Variants in SLC40A1 observed in about 807,000 individuals in gnomAD.
SLC40A1 encodes solute carrier family 40 member 1.
SLC40A1 carries 16 observed loss-of-function variants against 53.5 expected under a neutral mutation model. The observed-to-expected ratio is 0.30, with a 90% CI of 0.20 to 0.45. The LOEUF is 0.45. Ranked by LOEUF, SLC40A1 falls within the 20% of genes least tolerant of loss-of-function variation. The probability of loss-of-function intolerance (pLI) is 1.00; values close to 1 mark genes in which losing one functional copy is unlikely to be tolerated. For synonymous variants in SLC40A1, 247 were observed against 253.2 expected, an observed-to-expected ratio of 0.98 and a Z score of 0.23; for missense variants, 545 against 695.4, an observed-to-expected ratio of 0.78 and a Z score of 2.43.
intron 2 of SLC40A1, among the ~76,000 whole-genome samples, chr2:189,575,989 T>A (rs559954047): frequency 9.2e-5 from 14 of 152,316 alleles, no homozygotes; most frequent in African/African-American, 3.4e-4. Flanking sequence ...AGTAGTTACG[T>A]TAACATTTTA....
chr2:189,561,670 T>A lies in SLC40A1; in HGVS notation c.*208A>T. The A allele has an allele frequency of 1.8e-6, 1 of 566,930 alleles. No individual in the cohort carries two copies. The highest frequency in any genetic ancestry group is 2.1e-5 in the South Asian group (1 of 47,648). The allele number at this position is 566,930 out of a possible 1,614,324, so 35.1% of individuals were successfully genotyped here. A position where few individuals can be genotyped will look rare whatever the true frequency, so the allele number is the denominator to read the frequency against. ...TCCGTATTTAAACTGAGTTTTTCTTTTCCAATTTTTTTTCCATGCCTCAAC... is the reference window on the plus strand; with the variant it reads ...TCCGTATTTAAACTGAGTTTTTCTTATCCAATTTTTTTTCCATGCCTCAAC... On this transcript the variant is annotated 3_prime_UTR_variant, in exon 8 of 8. Coordinates refer to ENST00000261024, the MANE Select transcript of SLC40A1 (RefSeq NM_014585.6).
In SLC40A1 at chr2:189,580,765, T is replaced by A; in HGVS notation, c.-305A>T. The A allele has an allele frequency of 8.1e-7, 1 of 1,229,308 alleles. No homozygotes were observed. The highest frequency in any genetic ancestry group is 1.0e-6 in the Non-Finnish European group (1 of 966,176). The allele number at this position is 1,229,308 out of a possible 1,614,324, so 76.2% of individuals were successfully genotyped here. ...AGCCTAGCGGACGCCCTGAGCCAGC[T>A]CTCTCCGCCGCCGCCGCCGCCGCCG... On this transcript the variant is annotated 5_prime_UTR_variant, in exon 1 of 8. Coordinates refer to ENST00000261024, the MANE Select transcript of SLC40A1 (RefSeq NM_014585.6).
In SLC40A1 at chr2:189,579,791, A is replaced by G. The variant is rs200654441; in HGVS notation, c.111+22T>C. ...ATAAAAAATTGCGCAACTGTGTTGT[A>G]AGACTATGCATTCTCACTTACCCAA... On this transcript the variant is annotated intron_variant, in intron 2 of 7. Transcript: ENST00000261024. The G allele has an allele frequency of 4.4e-5, 70 of 1,605,064 alleles. No individual in the cohort carries two copies. The African/African-American group carries it at 8.4e-4, about 19-fold the overall frequency.
chr2:189,578,168 A>G (rs1248369182), intron 2 of SLC40A1: 2 of 974,084 alleles, frequency 2.1e-6, no homozygotes, highest in Non-Finnish European at 2.4e-6. Flanking sequence ...TTGTTGTAAC[A>G]AAATCAGGCA....
Position 189,576,490 on chromosome 2 carries a change from T to C in SLC40A1, c.112-1170A>G, listed in dbSNP as rs960908299. 3.2e-4 allele frequency among the ~76,000 whole-genome samples: 48 copies of C among 152,334 alleles called. 1 individual carries two copies. Among genetic ancestry groups the C allele is most frequent in the African/African-American group, 1.1e-3 (44 of 41,572 alleles). ...TACAAAAAAACTTCCTGTAGACCAGTAGTTCTCAACTAGAGATGACTTTGC... is the reference window on the plus strand; with the variant it reads ...TACAAAAAAACTTCCTGTAGACCAGCAGTTCTCAACTAGAGATGACTTTGC... On this transcript the variant is annotated intron_variant, in intron 2 of 7. Coordinates refer to ENST00000261024, the MANE Select transcript of SLC40A1 (RefSeq NM_014585.6).
In SLC40A1 at chr2:189,575,154, C is replaced by T. The variant is rs1450929361; in HGVS notation, c.271+7G>A. On this transcript the variant is annotated splice_region_variant and intron_variant, in intron 3 of 7. Transcript: ENST00000261024. ...ATAAAAGGGCTTAATTATATAACAA[C>T]ACTCACCTTTAAGTCTAGCATTCTT... 3 of 1,613,794 alleles carry T rather than the reference C, an allele frequency of 1.9e-6. No individual in the cohort carries two copies. Among genetic ancestry groups the T allele is most frequent in the East Asian group, 4.5e-5 (2 of 44,884 alleles).
At chr2:189,566,272 C>G (rs962503884) in intron 5 of SLC40A1, among the ~76,000 whole-genome samples, 3 of 152,086 alleles carry the variant, frequency 2.0e-5, no homozygotes, top group African/African-American at 7.2e-5. Flanking sequence ...AAAAGGAGAA[C>G]GATAAGGGCA....
chr2:189,564,566 C>T (rs1403291715), intron 6 of SLC40A1, among the ~76,000 whole-genome samples: 1 of 152,096 alleles, frequency 6.6e-6, no homozygotes. Context: ...ATTGGCCAGG[C>T]ACGGTGGCTC....
chr2:189,579,916 G>C, intron 1 of SLC40A1, 36 bp from the exon 2 acceptor site: 1 of 1,595,790 alleles, frequency 6.3e-7, no homozygotes, highest in Non-Finnish European at 8.6e-7. Context: ...AAAAGCGATG[G>C]TAGTCACTTA....
chr2:189,563,094 G>A (rs2030806972), intron 7 of SLC40A1, among the ~76,000 whole-genome samples: 1 of 151,330 alleles, frequency 6.6e-6, no homozygotes, highest in East Asian at 1.9e-4. Context: ...CGGCAACATG[G>A]CAAAACCCCA....
intron 2 of SLC40A1, among the ~76,000 whole-genome samples, chr2:189,575,702 T>C (rs1404435107): frequency 6.6e-6 from 1 of 152,226 alleles, no homozygotes; most frequent in Non-Finnish European, 1.5e-5. Context: ...TAAAGTAGTT[T>C]GCTATTGAAC....
intron 4 of SLC40A1, 146 bp downstream of exon 4, chr2:189,572,700 A>T: frequency 1.5e-6 from 1 of 666,378 alleles, no homozygotes; most frequent in East Asian, 2.7e-5. Context: ...CAACAAAACA[A>T]ACTATAGGGG....
chr2:189,572,565 T>C, intron 4 of SLC40A1: 1 of 500,788 alleles, frequency 2.0e-6, no homozygotes, highest in South Asian at 2.2e-5. Context: ...AAAGTATAGG[T>C]CACTAAAAAG....
intron 5 of SLC40A1, among the ~76,000 whole-genome samples, chr2:189,568,822 A>G (rs1355787438): frequency 6.6e-6 from 1 of 152,232 alleles, no homozygotes; most frequent in Non-Finnish European, 1.5e-5. Flanking sequence ...GATCAAGCTA[A>G]CTGGCAGATT....
At chr2:189,569,568 G>T (rs919273671) in intron 5 of SLC40A1, among the ~76,000 whole-genome samples, 1 of 152,152 alleles carries the variant, frequency 6.6e-6, no homozygotes, top group Non-Finnish European at 1.5e-5. Context: ...TGCAATAGCA[G>T]AAATGGCACA....
In SLC40A1 at chr2:189,580,713, G is replaced by A; in HGVS notation, c.-253C>T. 1 of 1,404,584 alleles carries A rather than the reference G, an allele frequency of 7.1e-7. No individual in the cohort carries two copies. Among genetic ancestry groups the A allele is most frequent in the Non-Finnish European group, 9.3e-7 (1 of 1,079,390 alleles). The allele number at this position is 1,404,584 out of a possible 1,614,324, so 87.0% of individuals were successfully genotyped here. The stretch of plus-strand genomic sequence containing the variant: ...TGGAAAGGCAAAGCCTTATGGAAGC[G>A]GTTTGGGAGGCTCAGCAGGTCGTCC... On this transcript the variant is annotated 5_prime_UTR_variant, in exon 1 of 8. Transcript: ENST00000261024.
At chr2:189,568,279 G>A (rs1372221719) in intron 5 of SLC40A1, among the ~76,000 whole-genome samples, 2 of 151,890 alleles carry the variant, frequency 1.3e-5, no homozygotes, top group African/African-American at 4.8e-5. Context: ...ACGAGGTCAG[G>A]AGATCAAGAC....
intron 4 of SLC40A1, chr2:189,572,426 T>G (rs565610049): frequency 3.5e-6 from 1 of 282,730 alleles, no homozygotes; most frequent in Non-Finnish European, 6.8e-6. Flanking sequence ...TCCATCAAGC[T>G]CTTATGAAAT....
chr2:189,579,480 A>C (rs1488706380), intron 2 of SLC40A1, among the ~76,000 whole-genome samples: 1 of 152,240 alleles, frequency 6.6e-6, no homozygotes, highest in Non-Finnish European at 1.5e-5. Context: ...TGAGACATCC[A>C]TCCATCTTTT....
Sources: gnomAD v4.1 joint callset for allele counts (sites outside exome capture counted in the v4.1 genomes callset) on GRCh38, gnomAD v4.1.1 for gene constraint, MANE v1.5 for transcripts, NCBI Gene and HGNC (gene_info 2026-07-23, HGNC 2026-07-21) for gene names.